SUDS3: variants seen among roughly 807,000 people sequenced by gnomAD.
SUDS3 encodes sin3 histone deacetylase corepressor complex component SDS3.
SUDS3 carries 23 observed loss-of-function variants against 53.5 expected under a neutral mutation model. That is an observed-to-expected ratio of 0.43 (90% CI 0.31 to 0.61). The LOEUF (loss-of-function observed/expected upper bound fraction) is 0.61, where lower values mean the gene tolerates loss of function less well. Ranked by LOEUF, SUDS3 falls within the 20% of genes least tolerant of loss-of-function variation. The probability of loss-of-function intolerance (pLI) is 0.10; values close to 1 mark genes in which losing one functional copy is unlikely to be tolerated. For synonymous variants in SUDS3, 150 were observed against 148.5 expected (o/e 1.01, Z -0.08); for missense variants, 291 against 405.9 (o/e 0.72, Z 2.43).
intron 10 of SUDS3, among the ~76,000 whole-genome samples, chr12:118,408,140 A>G (rs2046324406): frequency 6.6e-6 from 1 of 152,054 alleles, no homozygotes; most frequent in African/African-American, 2.4e-5. Flanking sequence ...ACCTCGTGAT[A>G]TACCCGCCTC....
Position 118,400,645 on chromosome 12 carries a change from C to T in SUDS3, c.518-14C>T, listed in dbSNP as rs2046255785. 1.2e-6 allele frequency: 2 copies of T among 1,612,864 alleles called. No individual in the cohort carries two copies. Among genetic ancestry groups the T allele is most frequent in the Non-Finnish European group, 1.7e-6 (2 of 1,179,064 alleles). On this transcript the variant is annotated splice_polypyrimidine_tract_variant and intron_variant, in intron 6 of 11. Transcript: ENST00000543473. ...GGGAGTTGGATAGATTTACCCATTC[C>T]ATTCTTGCCACAGATTCTATGGAGG...
chr12:118,376,784 G>C lies in SUDS3; in HGVS notation c.93G>C (p.Glu31Asp), dbSNP rs892087195. 106 of 1,553,700 alleles carry C rather than the reference G, an allele frequency of 6.8e-5. No homozygotes were observed. The highest frequency in any genetic ancestry group is 8.9e-5 in the Non-Finnish European group (103 of 1,155,636). Residue 31 changes from glutamate to aspartate, a missense_variant, in exon 1 of 12, where the codon GAG becomes GAC. Physicochemically the swap from Glu to Asp is conservative, Grantham distance 45. Transcript: ENST00000543473. ...ACCCCGAGGAGGATGAAGAGCTGGA[G>C]AGCGCCGAGGACGACGAGCGCAGCT... ...EYYPEEDEELESAEDDERSCR... is the reference protein window; with the variant it reads ...EYYPEEDEELDSAEDDERSCR...
chr12:118,387,389 A>T (rs532911233), intron 4 of SUDS3, among the ~76,000 whole-genome samples: 2 of 152,144 alleles, frequency 1.3e-5, no homozygotes, highest in African/African-American at 4.8e-5. Context: ...TGAAACCTCA[A>T]TTTCTCCATC....
chr12:118,382,337 C>T (rs1372946062), intron 2 of SUDS3, among the ~76,000 whole-genome samples: 2 of 151,172 alleles, frequency 1.3e-5, no homozygotes, highest in Non-Finnish European at 2.9e-5. Context: ...CCTGAGCCAT[C>T]GTGCCAGGCC....
At chr12:118,395,216 GTTT>G (rs71772462) in intron 6 of SUDS3, among the ~76,000 whole-genome samples, 10,952 of 79,900 alleles carry the variant, frequency 0.14, 683 homozygotes, top group Middle Eastern at 0.18. Flanking sequence ...TGGAATCAGG[GTTT>G]TTTTTTTTTT....
intron 7 of SUDS3, among the ~76,000 whole-genome samples, chr12:118,401,275 GTTCCT>G (rs1443675843): frequency 1.3e-5 from 2 of 152,174 alleles, no homozygotes; most frequent in African/African-American, 4.8e-5. Context: ...CGTTGTTTCT[GTTCCT>G]TTCGAGGAGA....
intron 5 of SUDS3, among the ~76,000 whole-genome samples, chr12:118,390,794 C>T (rs1305629643): frequency 6.6e-6 from 1 of 152,128 alleles, no homozygotes; most frequent in Non-Finnish European, 1.5e-5. Flanking sequence ...TGAATATACA[C>T]AATTTATCTA....
intron 1 of SUDS3, among the ~76,000 whole-genome samples, chr12:118,379,515 CT>C (rs1835424326): frequency 6.6e-6 from 1 of 152,168 alleles, no homozygotes; most frequent in African/African-American, 2.4e-5. Context: ...ACTTGAGCAG[CT>C]GAGGATTTTG....
chr12:118,397,724 A>ATTT (rs553865776), intron 6 of SUDS3, among the ~76,000 whole-genome samples: 3,293 of 146,364 alleles, frequency 0.022, 113 homozygotes, highest in African/African-American at 0.076. Context: ...AATAAAATAG[A>ATTT]TTTTTTTTTT....
intron 10 of SUDS3, among the ~76,000 whole-genome samples, chr12:118,407,805 G>A (rs557891633): frequency 5.3e-5 from 8 of 150,200 alleles, no homozygotes; most frequent in African/African-American, 9.8e-5. Context: ...TGCAGACTCC[G>A]CCTCCCAGGT....
At chr12:118,390,996 A>G (rs61943397) in intron 5 of SUDS3, 130 bp from the exon 6 acceptor site, 153,785 of 1,044,044 alleles carry the variant, frequency 0.15, 12,266 homozygotes, top group Non-Finnish European at 0.16. Flanking sequence ...TCTCAGACAC[A>G]CTGTTACTGC....
chr12:118,387,174 G>T (rs1449073585), intron 4 of SUDS3, among the ~76,000 whole-genome samples: 3 of 152,178 alleles, frequency 2.0e-5, no homozygotes, highest in Admixed American at 1.3e-4. Flanking sequence ...GCTATTAGCT[G>T]TCTGCCTTTC....
At chr12:118,376,957 G>A in intron 1 of SUDS3, 124 bp downstream of exon 1, 2 of 1,236,538 alleles carry the variant, frequency 1.6e-6, no homozygotes, top group Non-Finnish European at 2.1e-6. Context: ...GGGGCCGCCG[G>A]GAGTTGCGGG....
chr12:118,401,486 T>C (rs927004695), intron 7 of SUDS3, among the ~76,000 whole-genome samples: 11 of 152,214 alleles, frequency 7.2e-5, no homozygotes, highest in Admixed American at 6.5e-4. Flanking sequence ...GAAATTCTTA[T>C]TTTACTGTTT....
intron 2 of SUDS3, among the ~76,000 whole-genome samples, chr12:118,382,666 CTTTTT>C (rs573617276): frequency 7.4e-6 from 1 of 135,744 alleles, no homozygotes; most frequent in Non-Finnish European, 1.6e-5. Flanking sequence ...TGTGCCCAGC[CTTTTT>C]TTTTTTTTTT....
At chr12:118,404,418 T>C (rs1271473888) in intron 10 of SUDS3, 1 of 152,222 alleles carries the variant, frequency 6.6e-6, no homozygotes, top group Non-Finnish European at 1.5e-5. Flanking sequence ...GCATTCCTGG[T>C]TTACATTGAA....
chr12:118,400,474 T>C (rs905423858), intron 6 of SUDS3, among the ~76,000 whole-genome samples, 185 bp from the exon 7 acceptor site: 3 of 152,144 alleles, frequency 2.0e-5, no homozygotes, highest in Non-Finnish European at 4.4e-5. Context: ...CTGGTCTGAA[T>C]CTTACAAGTA....
rs2046384315 is a variant in SUDS3, at chr12:118,414,560, G to T, written c.*127G>T. On this transcript the variant is annotated 3_prime_UTR_variant, in exon 12 of 12. Coordinates refer to ENST00000543473, the MANE Select transcript of SUDS3 (RefSeq NM_022491.3). ...AGCTACTCAGCCTTGGAAATGGAGA[G>T]CACTGCAGTGAATTCTTTAGGGCAC... 1.3e-6 allele frequency: 1 copy of T among 742,808 alleles called. No homozygotes were observed. Among genetic ancestry groups the T allele is most frequent in the Non-Finnish European group, 2.1e-6 (1 of 478,548 alleles). The allele number at this position is 742,808 out of a possible 1,614,324, so 46.0% of individuals were successfully genotyped here. A position where few individuals can be genotyped will look rare whatever the true frequency, so the allele number is the denominator to read the frequency against.
At chr12:118,380,038 G>A (rs2046041645) in intron 1 of SUDS3, 124 bp from the exon 2 acceptor site, 2 of 765,366 alleles carry the variant, frequency 2.6e-6, no homozygotes, top group Admixed American at 4.7e-5. Flanking sequence ...TGATGGCTTT[G>A]TGCAAGCCTG....
Sources: allele counts gnomAD v4.1 joint callset (sites outside exome capture counted in the v4.1 genomes callset), GRCh38; gene constraint gnomAD v4.1.1; transcripts MANE v1.5; gene names NCBI Gene and HGNC (gene_info 2026-07-23, HGNC 2026-07-21).